The following FAM174B variants were observed in gnomAD, a reference collection of about 807,000 sequenced individuals.
FAM174B encodes membrane protein FAM174B.
In FAM174B, 12 loss-of-function variants were observed where a neutral mutation model predicts 10.9. That is an observed-to-expected ratio of 1.10 (90% CI 0.71 to 1.79). FAM174B has a LOEUF of 1.79. Ranked by LOEUF, FAM174B falls within the 40% of genes most tolerant of loss-of-function variation. The probability of loss-of-function intolerance (pLI) is 0.00; values close to 1 mark genes in which losing one functional copy is unlikely to be tolerated. For synonymous variants in FAM174B, 132 were observed against 115.8 expected, an observed-to-expected ratio of 1.14 and a Z score of -0.90; for missense variants, 266 against 233.3, an observed-to-expected ratio of 1.14 and a Z score of -0.91.
intron 2 of FAM174B, among the ~76,000 whole-genome samples, chr15:92,622,169 ATCTTACGGGGATC>A (rs1175667935): frequency 6.6e-6 from 1 of 152,174 alleles, no homozygotes; most frequent in Admixed American, 6.5e-5. Flanking sequence ...ACTGCTCTGA[ATCTTACGGGGATC>A]CCCTACCAGG....
Position 92,644,655 on chromosome 15 carries a change from G to T in FAM174B, c.344+10661C>A, listed in dbSNP as rs1345804468. ...CAAGCACCATGGCTCAACATACCAG[G>T]TCAATAACTCAAATGCCCCAAGGCC... On this transcript the variant is annotated intron_variant, in intron 1 of 2. Coordinates refer to ENST00000327355, the MANE Select transcript of FAM174B (RefSeq NM_207446.3). Among the ~76,000 whole-genome samples, 6 of 152,152 alleles carry T rather than the reference G, an allele frequency of 3.9e-5. No homozygotes were observed. The East Asian group carries it at 1.2e-3, about 29-fold the overall frequency.
At chr15:92,639,569 G>GT (rs1467136006) in intron 1 of FAM174B, among the ~76,000 whole-genome samples, 3 of 152,176 alleles carry the variant, frequency 2.0e-5, no homozygotes, top group African/African-American at 7.2e-5. Flanking sequence ...TTGGAACTGT[G>GT]TCCCCAACCA....
intron 1 of FAM174B, among the ~76,000 whole-genome samples, chr15:92,643,385 T>C (rs1224610769): frequency 1.3e-5 from 2 of 151,856 alleles, no homozygotes; most frequent in African/African-American, 4.9e-5. Context: ...TGTATGCATG[T>C]ATATATTACA....
chr15:92,627,096 G>A (rs1019488494), intron 2 of FAM174B: 2 of 152,152 alleles, frequency 1.3e-5, no homozygotes, highest in Admixed American at 6.6e-5. Context: ...GTGTTGAAGG[G>A]CCCCGCACTA....
intron 1 of FAM174B, among the ~76,000 whole-genome samples, chr15:92,638,102 G>A (rs2141958745): frequency 6.6e-6 from 1 of 152,310 alleles, no homozygotes; most frequent in Middle Eastern, 3.4e-3. Flanking sequence ...ATCTTCCACA[G>A]CAGGAATCTT....
At chr15:92,652,693 G>T (rs1307559465) in intron 1 of FAM174B, among the ~76,000 whole-genome samples, 1 of 152,168 alleles carries the variant, frequency 6.6e-6, no homozygotes, top group East Asian at 1.9e-4. Context: ...TAGAAACGGC[G>T]GCAGGTGGCG....
At position 92,630,207 on chromosome 15, in the gene FAM174B, C is replaced by A. The variant is rs761446969; in HGVS notation, c.476+7G>T. 1 of 1,613,410 alleles carries A rather than the reference C, an allele frequency of 6.2e-7. No homozygotes were observed. Among genetic ancestry groups the A allele is most frequent in the Non-Finnish European group, 8.5e-7 (1 of 1,179,658 alleles). On this transcript the variant is annotated splice_region_variant and intron_variant, in intron 2 of 2. Transcript: ENST00000327355. ...CCCAGGAGGAAGCCTCTGTCTCCAC[C>A]CTGTACCTGTATTTGATGTCGAATA...
Position 92,630,301 on chromosome 15 carries a change from GTGA to G in FAM174B, c.386_388del (p.Ile129del), listed in dbSNP as rs2050783139. 1.2e-6 allele frequency: 2 copies of G among 1,613,580 alleles called. No homozygotes were observed. Among genetic ancestry groups the G allele is most frequent in the African/African-American group, 1.3e-5 (1 of 74,874 alleles). ...CATTTCCACTCGCTCTGCTGGAGTG[GTGA>G]TGATATCATACTTGCGTGTCTTCTT... On this transcript the variant is annotated inframe_deletion, in exon 2 of 3. Coordinates refer to ENST00000327355, the MANE Select transcript of FAM174B (RefSeq NM_207446.3).
At chr15:92,623,180 C>T (rs1217352888) in intron 2 of FAM174B, among the ~76,000 whole-genome samples, 1 of 151,830 alleles carries the variant, frequency 6.6e-6, no homozygotes, top group African/African-American at 2.4e-5. Context: ...AAAAAAGTGG[C>T]CATGCTCCTG....
At chr15:92,635,169 CCACACACACA>C (rs58350171) in intron 1 of FAM174B, among the ~76,000 whole-genome samples, 2 of 10,736 alleles carry the variant, frequency 1.9e-4, no homozygotes, top group African/African-American at 3.1e-4. Flanking sequence ...CCACACACAC[CCACACACACA>C]CACACACACA....
In FAM174B at chr15:92,635,113, T is replaced by C. The variant is rs566842071; in HGVS notation, c.345-4768A>G. ...TACGATAAGCCTCTCTCTCTCTCTC[T>C]TTCTCTGTCTCTCTCTCTCTCTCCT... is the stretch of plus-strand genomic sequence containing the variant. On this transcript the variant is annotated intron_variant, in intron 1 of 2. Transcript: ENST00000327355. 4.1e-5 allele frequency among the ~76,000 whole-genome samples: 4 copies of C among 97,340 alleles called. No homozygotes were observed. In the East Asian group the frequency reaches 1.5e-3, roughly 36 times the overall value. The allele number at this position is 97,340 out of a possible 152,430, so 63.9% of individuals were successfully genotyped here.
chr15:92,650,102 T>C (rs961759711), intron 1 of FAM174B, among the ~76,000 whole-genome samples: 1 of 152,142 alleles, frequency 6.6e-6, no homozygotes. Context: ...GACAAAAAAA[T>C]TTTTAAATGG....
At chr15:92,636,909 G>A (rs141688086) in intron 1 of FAM174B, among the ~76,000 whole-genome samples, 3 of 152,332 alleles carry the variant, frequency 2.0e-5, no homozygotes, top group Non-Finnish European at 4.4e-5. Flanking sequence ...ACTTTGCACA[G>A]CTCACATTTT....
chr15:92,635,159 CCACACACACCCACACACACA>C (rs1461094131), intron 1 of FAM174B, among the ~76,000 whole-genome samples: 2 of 20,970 alleles, frequency 9.5e-5, no homozygotes, highest in Non-Finnish European at 6.3e-4. Context: ...CACTATCTCT[CCACACACACCCACACACACA>C]CACACACACA....
intron 1 of FAM174B, among the ~76,000 whole-genome samples, chr15:92,642,136 T>C (rs889813625): frequency 6.6e-6 from 1 of 152,198 alleles, no homozygotes; most frequent in African/African-American, 2.4e-5. Context: ...TACCTTAGGA[T>C]GGCTATAAGC....
At chr15:92,619,560 G>A (rs912645632) in intron 2 of FAM174B, 101 bp from the exon 3 acceptor site, 2 of 1,374,868 alleles carry the variant, frequency 1.5e-6, no homozygotes, top group Admixed American at 4.1e-5. Flanking sequence ...CTCAGCCAGT[G>A]AAAAGGCCAC....
At chr15:92,631,619 C>T (rs753320342) in intron 1 of FAM174B, among the ~76,000 whole-genome samples, 105 of 144,700 alleles carry the variant, frequency 7.3e-4, no homozygotes, top group Non-Finnish European at 1.3e-3. Flanking sequence ...CTCAGCCTCC[C>T]GAGTAGCTGG....
intron 1 of FAM174B, among the ~76,000 whole-genome samples, chr15:92,649,988 C>T (rs139700640): frequency 3.8e-4 from 58 of 152,270 alleles, no homozygotes; most frequent in African/African-American, 1.1e-3. Flanking sequence ...ACAAGTCCCA[C>T]AACCTCTCTC....
At chr15:92,630,428 CA>C (rs2050784994) in intron 1 of FAM174B, 83 bp from the exon 2 acceptor site, 3 of 1,322,636 alleles carry the variant, frequency 2.3e-6, no homozygotes, top group Non-Finnish European at 3.1e-6. Flanking sequence ...GACCCGACAG[CA>C]ACTTAGCAGC....
Sources: allele counts gnomAD v4.1 joint callset (sites outside exome capture counted in the v4.1 genomes callset), GRCh38; gene constraint gnomAD v4.1.1; transcripts MANE v1.5; gene names NCBI Gene and HGNC (gene_info 2026-07-23, HGNC 2026-07-21).